The following DBNL variants were observed in gnomAD, a reference collection of about 807,000 sequenced individuals.
DBNL encodes the protein drebrin like, also known as drebrin-like protein.
In DBNL, 35 loss-of-function variants were observed where a neutral mutation model predicts 62.2. The ratio of observed to expected loss-of-function variants is 0.56; its 90% confidence interval spans 0.43 to 0.75. DBNL has a LOEUF of 0.75. DBNL is among the 30% of genes least tolerant of loss of function. The probability of loss-of-function intolerance (pLI) is 0.00; values close to 1 mark genes in which losing one functional copy is unlikely to be tolerated. For synonymous variants in DBNL, 197 were observed against 218.0 expected (o/e 0.90, Z 0.85); for missense variants, 495 against 578.4 (o/e 0.86, Z 1.48).
chr7:44,064,814 T>C lies in DBNL; in HGVS notation c.*3898T>C, dbSNP rs2096156073. On this transcript the variant is annotated 3_prime_UTR_variant, in exon 13 of 13. Transcript: ENST00000448521. ...TGCTGCCCACCCACCCTGCCCAGGC[T>C]CCTGAAGGTGGCCTCACCTTCCAGG... The C allele has an allele frequency of 2.0e-5, 15 of 759,464 alleles. No homozygotes were observed. The highest frequency in any genetic ancestry group is 2.7e-5 in the Non-Finnish European group (13 of 473,152). 47.0% of individuals were successfully genotyped at this position (759,464 alleles called of 1,614,324 possible). A position where few individuals can be genotyped will look rare whatever the true frequency, so the allele number is the denominator to read the frequency against.
intron 2 of DBNL, 155 bp from the exon 3 acceptor site, chr7:44,051,675 G>A (rs1387746288): frequency 3.1e-6 from 2 of 640,908 alleles, no homozygotes; most frequent in Non-Finnish European, 5.4e-6. Context: ...GTGGTGCCCA[G>A]GACTCTGATT....
chr7:44,059,795 AT>A lies in DBNL; in HGVS notation c.1047+139del. On this transcript the variant is annotated intron_variant, in intron 11 of 12. Transcript: ENST00000448521. This position sits in a 1 kb window ranked among gnomAD's most constrained non-coding sequence, Gnocchi z 4.1. ...TTTTTGGAGCAGCCCTGTGTTATAAATTGTCAGGGCACGCCCCACTCTATAG... is the reference window on the plus strand; with the variant it reads ...TTTTTGGAGCAGCCCTGTGTTATAAATGTCAGGGCACGCCCCACTCTATAG... The A allele has an allele frequency of 1.1e-6, 1 of 929,658 alleles. No individual in the cohort carries two copies. Among genetic ancestry groups the A allele is most frequent in the Non-Finnish European group, 1.6e-6 (1 of 627,112 alleles). 57.6% of individuals were successfully genotyped at this position (929,658 alleles called of 1,614,324 possible).
chr7:44,051,380 A>T (rs995038385), intron 2 of DBNL: 1 of 163,370 alleles, frequency 6.1e-6, no homozygotes, highest in African/African-American at 2.4e-5. Context: ...TGGCCCTGGA[A>T]CTTGAGCAGA....
chr7:44,055,492 T>C (rs1430569056), intron 4 of DBNL, among the ~76,000 whole-genome samples: 1 of 152,198 alleles, frequency 6.6e-6, no homozygotes, highest in Non-Finnish European at 1.5e-5. Flanking sequence ...AACCATACTG[T>C]TTTTATAATG....
Position 44,060,779 on chromosome 7 carries a change from G to T in DBNL, c.1156G>T (p.Asp386Tyr), listed in dbSNP as rs759199393. 1.2e-6 allele frequency: 2 copies of T among 1,613,648 alleles called. No homozygotes were observed. Among genetic ancestry groups the T allele is most frequent in the South Asian group, 1.1e-5 (1 of 91,050 alleles). Reference sequence around the variant, plus strand: ...ATCTGGGCTCATCCTCTTTGCAGCCGACGACACAGAGATCTCCTTTGACCC... The same window carrying T: ...ATCTGGGCTCATCCTCTTTGCAGCCTACGACACAGAGATCTCCTTTGACCC... Reference protein sequence around the residue: ...ARALYDYQAADDTEISFDPEN... With the variant: ...ARALYDYQAAYDTEISFDPEN... The change falls in exon 13 of 13, where the codon GAC becomes TAC. Residue 386 changes from aspartate (D) to tyrosine (Y), a missense_variant and splice_region_variant. Coordinates refer to ENST00000448521, the MANE Select transcript of DBNL (RefSeq NM_001014436.3). This position sits in a 1 kb window ranked among gnomAD's most constrained non-coding sequence, Gnocchi z 6.3.
chr7:44,046,636 C>G (rs1286418113), intron 1 of DBNL, among the ~76,000 whole-genome samples: 1 of 152,222 alleles, frequency 6.6e-6, no homozygotes, highest in African/African-American at 2.4e-5. Context: ...CCTCCAGGCT[C>G]CTGCAGCACT....
rs762269021 is a variant in DBNL at position 44,056,924 on chromosome 7, G to A, written c.474+21G>A. The A allele has an allele frequency of 7.9e-5, 128 of 1,612,544 alleles. 1 individual carries two copies. Among genetic ancestry groups the A allele is most frequent in the Non-Finnish European group, 4.2e-5 (50 of 1,179,472 alleles). ...CAGTGGTGAGTGCTGCTTGCCCATC[G>A]CCAGCCCTTTTGTTGCTCAGGGCCT... On this transcript the variant is annotated intron_variant, in intron 5 of 12. Coordinates refer to ENST00000448521, the MANE Select transcript of DBNL (RefSeq NM_001014436.3).
chr7:44,047,153 C>T (rs918507135), intron 1 of DBNL, among the ~76,000 whole-genome samples: 29 of 152,164 alleles, frequency 1.9e-4, no homozygotes, highest in African/African-American at 7.0e-4. Context: ...ACATGCCAGA[C>T]ACAAAATATG....
rs368583015 is a variant in DBNL at position 44,059,503 on chromosome 7, G to T, written c.932-40G>T. On this transcript the variant is annotated intron_variant, in intron 10 of 12. Transcript: ENST00000448521. This position sits in a 1 kb window ranked among gnomAD's most constrained non-coding sequence, Gnocchi z 4.1. The stretch of plus-strand genomic sequence containing the variant: ...CTGGGGGACAGCAGTGGAGAAGGGG[G>T]ATGTGTGGGAGTGAGAACCTGCTGT... The T allele has an allele frequency of 1.4e-5, 23 of 1,613,488 alleles. No individual in the cohort carries two copies. The African/African-American group carries it at 2.5e-4, about 18-fold the overall frequency.
Position 44,062,681 on chromosome 7 carries a change from G to A in DBNL, c.*1765G>A. The A allele has an allele frequency of 6.8e-7, 1 of 1,463,930 alleles. No individual in the cohort carries two copies. The highest frequency in any genetic ancestry group is 9.5e-7 in the Non-Finnish European group (1 of 1,056,226). The allele number at this position is 1,463,930 out of a possible 1,614,324, so 90.7% of individuals were successfully genotyped here. On this transcript the variant is annotated 3_prime_UTR_variant, in exon 13 of 13. Transcript: ENST00000448521. ...CCCTGGTTCTGGAGTCCCCACAGCT[G>A]ATGGCGGTGTGAGCCTGGCATGCAC...
chr7:44,062,863 G>A lies in DBNL; in HGVS notation c.*1947G>A. The A allele has an allele frequency of 6.2e-7, 1 of 1,614,190 alleles. No homozygotes were observed. The highest frequency in any genetic ancestry group is 1.3e-5 in the African/African-American group (1 of 75,046). On this transcript the variant is annotated 3_prime_UTR_variant, in exon 13 of 13. Coordinates refer to ENST00000448521, the MANE Select transcript of DBNL (RefSeq NM_001014436.3). Reference sequence around the variant, plus strand: ...TGGGCTTGGTGGGCTTCAGCTCCTTGTTCAGCTCATACACAATGGGGATCC... The same window carrying A: ...TGGGCTTGGTGGGCTTCAGCTCCTTATTCAGCTCATACACAATGGGGATCC...
Position 44,061,140 on chromosome 7 carries a change from C to G in DBNL, c.*224C>G, listed in dbSNP as rs969762069. ...TCCTGCATCCCCCGACCCTCCCAGA[C>G]AGCTTGGCTCTTGCCCCTGACAGGA... On this transcript the variant is annotated 3_prime_UTR_variant, in exon 13 of 13. Coordinates refer to ENST00000448521, the MANE Select transcript of DBNL (RefSeq NM_001014436.3). 2 of 607,956 alleles carry G rather than the reference C, an allele frequency of 3.3e-6. No individual in the cohort carries two copies. The highest frequency in any genetic ancestry group is 3.7e-5 in the African/African-American group (2 of 53,594). 37.7% of individuals were successfully genotyped at this position (607,956 alleles called of 1,614,324 possible). A position where few individuals can be genotyped will look rare whatever the true frequency, so the allele number is the denominator to read the frequency against.
In DBNL at chr7:44,060,669, A is replaced by T; in HGVS notation, c.1154-108A>T. The T allele has an allele frequency of 6.8e-7, 1 of 1,462,306 alleles. No homozygotes were observed. The highest frequency in any genetic ancestry group is 1.4e-5 in the African/African-American group (1 of 71,510). 90.6% of individuals were successfully genotyped at this position (1,462,306 alleles called of 1,614,324 possible). ...AGGGATATTTCTGAGGAGGAACCAG[A>T]GCTGCAGCGAGGTGTGCTGCAGCAG... is the stretch of plus-strand genomic sequence containing the variant. On this transcript the variant is annotated intron_variant, in intron 12 of 12. Coordinates refer to ENST00000448521, the MANE Select transcript of DBNL (RefSeq NM_001014436.3). The surrounding 1 kb of genome is among the most constrained non-coding windows in gnomAD (Gnocchi z 6.3).
intron 8 of DBNL, 111 bp from the exon 9 acceptor site, chr7:44,058,791 C>A: frequency 1.6e-6 from 2 of 1,241,458 alleles, no homozygotes; most frequent in Non-Finnish European, 1.2e-6. Flanking sequence ...GCCTCCTGGC[C>A]CCACACTCAC....
chr7:44,049,218 G>A (rs909470594), intron 1 of DBNL, among the ~76,000 whole-genome samples: 11 of 151,962 alleles, frequency 7.2e-5, no homozygotes, highest in Admixed American at 5.2e-4. Flanking sequence ...GTGCAGTGGC[G>A]CGATCTTGGC....
At position 44,059,079 on chromosome 7, in the gene DBNL, A is replaced by G. The variant is rs746732823; in HGVS notation, c.835+96A>G. 1.1e-4 allele frequency: 149 copies of G among 1,340,572 alleles called. No homozygotes were observed. Among genetic ancestry groups the G allele is most frequent in the Non-Finnish European group, 1.5e-4 (146 of 953,418 alleles). 83.0% of individuals were successfully genotyped at this position (1,340,572 alleles called of 1,614,324 possible). On this transcript the variant is annotated intron_variant, in intron 9 of 12. Coordinates refer to ENST00000448521, the MANE Select transcript of DBNL (RefSeq NM_001014436.3). The surrounding 1 kb of genome is among the most constrained non-coding windows in gnomAD (Gnocchi z 4.1). ...CTCCCCCAAGGCTAGTGACAGATAT[A>G]TCGGTGACGGGTGAGTGAGTGAGGA...
At chr7:44,058,367 A>T (rs2093938306) in intron 7 of DBNL, 65 bp from the exon 8 acceptor site, 7 of 1,612,854 alleles carry the variant, frequency 4.3e-6, no homozygotes, top group Non-Finnish European at 5.9e-6. Flanking sequence ...GAGGAGGACT[A>T]AGGGGTGTGG....
intron 6 of DBNL, 38 bp from the exon 7 acceptor site, chr7:44,058,091 G>A (rs763129816): frequency 2.6e-6 from 4 of 1,548,784 alleles, no homozygotes; most frequent in Non-Finnish European, 2.6e-6. Flanking sequence ...GGCTGAAGTG[G>A]CAGCATAGGG....
At position 44,066,016 on chromosome 7, in the gene DBNL, G is replaced by A. The variant is rs1205955039; in HGVS notation, c.*5100G>A. 2 of 268,450 alleles carry A rather than the reference G, an allele frequency of 7.5e-6. No homozygotes were observed. Among genetic ancestry groups the A allele is most frequent in the Admixed American group, 4.8e-5 (1 of 20,936 alleles). The allele number at this position is 268,450 out of a possible 1,614,324, so 16.6% of individuals were successfully genotyped here. A position where few individuals can be genotyped will look rare whatever the true frequency, so the allele number is the denominator to read the frequency against. ...GAGGCGGCCCTCAGCAGGCAGAGGA[G>A]GAGAGCCAGAGGAGCTGGTGCAGAC... is the stretch of plus-strand genomic sequence containing the variant. On this transcript the variant is annotated 3_prime_UTR_variant, in exon 13 of 13. Transcript: ENST00000448521.
Sources: gnomAD v4.1 joint callset for allele counts (sites outside exome capture counted in the v4.1 genomes callset) on GRCh38, gnomAD v4.1.1 for gene constraint, Gnocchi (gnomAD v3.1) non-coding constraint, MANE v1.5 for transcripts, NCBI Gene and HGNC (gene_info 2026-07-23, HGNC 2026-07-21) for gene names.